HS3ST4: variants seen among roughly 807,000 people sequenced by gnomAD.
HS3ST4 encodes the protein heparan sulfate glucosamine 3-O-sulfotransferase 4.
A neutral mutation model predicts 29.2 loss-of-function variants in HS3ST4; 17 were observed. That is an observed-to-expected ratio of 0.58 (90% CI 0.40 to 0.87). The LOEUF is 0.87. Among genes scored for constraint, HS3ST4 ranks in the 40% least tolerant of loss-of-function variants. The pLI is 0.00. For missense variants in HS3ST4, 627 were observed against 634.5 expected (o/e 0.99, Z 0.13); for synonymous variants, 314 against 285.7 (o/e 1.10, Z -1.00).
chr16:25,845,104 A>G (rs1248689878), intron 1 of HS3ST4, among the ~76,000 whole-genome samples: 2 of 152,146 alleles, frequency 1.3e-5, no homozygotes, highest in Non-Finnish European at 2.9e-5. Context: ...TGCTGGGCTT[A>G]ATATCTAGGT....
intron 1 of HS3ST4, among the ~76,000 whole-genome samples, chr16:26,018,610 CAG>C (rs1264529436): frequency 6.6e-6 from 1 of 152,060 alleles, no homozygotes; most frequent in Non-Finnish European, 1.5e-5. Context: ...TCCAGGTCAA[CAG>C]AGTCAAATAT....
intron 1 of HS3ST4, among the ~76,000 whole-genome samples, chr16:26,007,928 T>A (rs1020103065): frequency 2.6e-5 from 4 of 151,396 alleles, no homozygotes; most frequent in Non-Finnish European, 5.9e-5. Flanking sequence ...TTTTTTTTTT[T>A]AAAGCAGGAA....
intron 1 of HS3ST4, chr16:25,933,455 T>C (rs768350706): frequency 4.1e-6 from 2 of 493,426 alleles, no homozygotes; most frequent in Non-Finnish European, 8.1e-6. Flanking sequence ...AAAATCTAGA[T>C]TTCCACCATT....
intron 1 of HS3ST4, among the ~76,000 whole-genome samples, chr16:25,902,327 C>G (rs1383563846): frequency 1.3e-5 from 2 of 151,906 alleles, no homozygotes; most frequent in Non-Finnish European, 2.9e-5. Context: ...GACCCCGTCT[C>G]TACCAAAAAA....
At chr16:25,848,201 C>T (rs911721247) in intron 1 of HS3ST4, among the ~76,000 whole-genome samples, 28 of 151,978 alleles carry the variant, frequency 1.8e-4, no homozygotes, top group Non-Finnish European at 3.1e-4. Flanking sequence ...TGCAGTGGCA[C>T]GATCAAGGCT....
intron 1 of HS3ST4, among the ~76,000 whole-genome samples, chr16:25,866,035 C>T (rs981988618): frequency 6.6e-6 from 1 of 152,188 alleles, no homozygotes; most frequent in Non-Finnish European, 1.5e-5. Context: ...GAGGAAACAA[C>T]CTTTGGAATG....
At chr16:25,739,951 C>T (rs1002982665) in intron 1 of HS3ST4, among the ~76,000 whole-genome samples, 6 of 152,046 alleles carry the variant, frequency 3.9e-5, no homozygotes, top group Non-Finnish European at 1.5e-5. Flanking sequence ...GACTCTTTAC[C>T]CAGTGCTCAG....
chr16:25,853,761 G>T lies in HS3ST4; in HGVS notation c.734+160610G>T, dbSNP rs927410121. Among the ~76,000 whole-genome samples the T allele has an allele frequency of 6.6e-5, 10 of 152,084 alleles. 1 individual carries two copies. The highest frequency in any genetic ancestry group is 5.2e-4 in the Admixed American group (8 of 15,266). On this transcript the variant is annotated intron_variant, in intron 1 of 1. Transcript: ENST00000331351. ...ATTCTTTTAATTTGCTGCAGGAATT[G>T]GTTTGCTAGGATTTTTGCATTGATG...
intron 1 of HS3ST4, among the ~76,000 whole-genome samples, chr16:25,728,721 G>A (rs1966552834): frequency 6.6e-6 from 1 of 152,208 alleles, no homozygotes; most frequent in Admixed American, 6.5e-5. Context: ...CACTCCAGAA[G>A]AGTCTCCAGT....
intron 1 of HS3ST4, among the ~76,000 whole-genome samples, chr16:26,090,814 C>A (rs1898848399): frequency 6.6e-6 from 1 of 152,112 alleles, no homozygotes; most frequent in Admixed American, 6.5e-5. Context: ...AATTCTCCAC[C>A]ACCCTGGCCC....
At chr16:26,091,591 G>A (rs1243336184) in intron 1 of HS3ST4, among the ~76,000 whole-genome samples, 1 of 152,072 alleles carries the variant, frequency 6.6e-6, no homozygotes, top group Non-Finnish European at 1.5e-5. Flanking sequence ...GGGGACTTCT[G>A]GGCAAAGGGT....
chr16:25,881,572 A>G (rs1328228906), intron 1 of HS3ST4, among the ~76,000 whole-genome samples: 1 of 152,174 alleles, frequency 6.6e-6, no homozygotes, highest in Non-Finnish European at 1.5e-5. Flanking sequence ...TTTGGGTGAA[A>G]TGGGATGACA....
chr16:25,922,290 C>A (rs1383349987), intron 1 of HS3ST4, among the ~76,000 whole-genome samples: 2 of 152,128 alleles, frequency 1.3e-5, no homozygotes, highest in East Asian at 3.9e-4. Context: ...AAGGGTAGAG[C>A]CTTTATGAAT....
At chr16:25,743,056 C>T (rs1206960771) in intron 1 of HS3ST4, among the ~76,000 whole-genome samples, 4 of 152,200 alleles carry the variant, frequency 2.6e-5, no homozygotes, top group East Asian at 3.8e-4. Context: ...AGTAAGTCCA[C>T]GATACCCAGT....
intron 1 of HS3ST4, among the ~76,000 whole-genome samples, chr16:25,697,932 A>C (rs1966309672): frequency 1.3e-5 from 2 of 152,084 alleles, no homozygotes; most frequent in South Asian, 4.2e-4. Flanking sequence ...CGGCCTCCCA[A>C]AGTGCTGGGA....
chr16:25,740,098 C>T (rs527538224), intron 1 of HS3ST4, among the ~76,000 whole-genome samples: 17 of 152,126 alleles, frequency 1.1e-4, no homozygotes, highest in South Asian at 1.0e-3. Flanking sequence ...GTTGGATGAT[C>T]GTCATCTGCA....
intron 1 of HS3ST4, among the ~76,000 whole-genome samples, chr16:25,782,566 T>G (rs955782354): frequency 2.0e-5 from 3 of 152,324 alleles, no homozygotes; most frequent in Admixed American, 2.0e-4. Context: ...CTGGATACCC[T>G]CTGTATCTGT....
intron 1 of HS3ST4, among the ~76,000 whole-genome samples, chr16:26,095,052 C>G (rs963171214): frequency 4.6e-5 from 7 of 152,158 alleles, no homozygotes; most frequent in Non-Finnish European, 1.0e-4. Context: ...ATCAATTCAA[C>G]AAGAAGAGCT....
intron 1 of HS3ST4, among the ~76,000 whole-genome samples, chr16:25,809,913 T>C (rs1047526531): frequency 5.3e-5 from 8 of 152,224 alleles, no homozygotes; most frequent in Admixed American, 2.6e-4. Flanking sequence ...ATCAAATTTA[T>C]TGACTTTTCT....
Sources: gnomAD v4.1 joint callset for allele counts (sites outside exome capture counted in the v4.1 genomes callset) on GRCh38, gnomAD v4.1.1 for gene constraint, MANE v1.5 for transcripts, NCBI Gene and HGNC (gene_info 2026-07-23, HGNC 2026-07-21) for gene names.